The following BBS9 variants were observed in gnomAD, a reference collection of about 807,000 sequenced individuals.
BBS9 encodes the protein Bardet-Biedl syndrome 9.
BBS9 carries 89 observed loss-of-function variants against 117.7 expected under a neutral mutation model. That is an observed-to-expected ratio of 0.76 (90% CI 0.64 to 0.90). The LOEUF is 0.90. BBS9 is among the 40% of genes least tolerant of loss of function. BBS9 has a pLI of 0.00. For synonymous variants in BBS9, 379 were observed against 370.9 expected (o/e 1.02, Z -0.25); for missense variants, 982 against 1,042.2 (o/e 0.94, Z 0.80).
intron 20 of BBS9, among the ~76,000 whole-genome samples, chr7:33,526,111 G>A (rs1385914833): frequency 1.1e-4 from 16 of 151,536 alleles, no homozygotes. Context: ...TTTCTGCTGA[G>A]AGATCCGCTG....
downstream of BBS9, among the ~76,000 whole-genome samples, chr7:33,606,973 T>A (rs551500769): frequency 5.9e-5 from 9 of 152,250 alleles, no homozygotes; most frequent in African/African-American, 2.2e-4. Flanking sequence ...TCCCACTGTC[T>A]CCTCTTAAGG....
At chr7:33,349,548 C>T (rs570006385) in intron 13 of BBS9, among the ~76,000 whole-genome samples, 1 of 152,118 alleles carries the variant, frequency 6.6e-6, no homozygotes, top group East Asian at 1.9e-4. Flanking sequence ...GATCCTCCCA[C>T]CTCAGCCTCC....
At chr7:33,250,396 T>C (rs569865510) in intron 5 of BBS9, among the ~76,000 whole-genome samples, 19 of 152,344 alleles carry the variant, frequency 1.2e-4, no homozygotes, top group African/African-American at 4.6e-4. Context: ...GAGCATGTGG[T>C]AAAGACTCTT....
intron 19 of BBS9, among the ~76,000 whole-genome samples, chr7:33,429,270 T>C (rs935274304): frequency 6.6e-5 from 10 of 152,170 alleles, no homozygotes; most frequent in African/African-American, 2.2e-4. Flanking sequence ...TTTGCGTAGC[T>C]TTTGCCTTGA....
chr7:33,271,515 A>G (rs1192476824), intron 7 of BBS9, among the ~76,000 whole-genome samples: 2 of 152,236 alleles, frequency 1.3e-5, no homozygotes, highest in East Asian at 3.8e-4. Context: ...AAAGAGATGA[A>G]GAAAACTCTG....
At chr7:33,521,767 TTAA>T in intron 20 of BBS9, among the ~76,000 whole-genome samples, 1 of 152,122 alleles carries the variant, frequency 6.6e-6, no homozygotes, top group South Asian at 2.1e-4. Flanking sequence ...TTATTATACT[TTAA>T]GTTTTAGGGT....
At chr7:33,489,290 G>A (rs369196558) in intron 19 of BBS9, among the ~76,000 whole-genome samples, 15 of 149,888 alleles carry the variant, frequency 1.0e-4, no homozygotes, top group South Asian at 2.1e-4. Context: ...CACTGCACCC[G>A]GCCAGGACAG....
intron 9 of BBS9, among the ~76,000 whole-genome samples, chr7:33,293,477 A>C (rs1182509535): frequency 6.6e-6 from 1 of 152,140 alleles, no homozygotes; most frequent in Non-Finnish European, 1.5e-5. Flanking sequence ...GGAGGCCCTG[A>C]ACACATTCAT....
At chr7:33,165,807 T>C (rs1349545170) in intron 4 of BBS9, among the ~76,000 whole-genome samples, 2 of 152,176 alleles carry the variant, frequency 1.3e-5, no homozygotes, top group Non-Finnish European at 2.9e-5. Flanking sequence ...AGAAGTTTGT[T>C]ATTACCGACC....
chr7:33,262,222 TG>T (rs1364650010), intron 6 of BBS9, among the ~76,000 whole-genome samples: 1 of 152,204 alleles, frequency 6.6e-6, no homozygotes, highest in Non-Finnish European at 1.5e-5. Flanking sequence ...CTCTGCCTGC[TG>T]TTTTAATGTT....
chr7:33,317,958 A>G (rs555875983), intron 9 of BBS9, among the ~76,000 whole-genome samples: 1 of 152,314 alleles, frequency 6.6e-6, no homozygotes, highest in South Asian at 2.1e-4. Flanking sequence ...AGGCTTAGGC[A>G]TGAGAATTGC....
At chr7:33,424,408 CA>C (rs1176605277) in intron 19 of BBS9, among the ~76,000 whole-genome samples, 1 of 152,114 alleles carries the variant, frequency 6.6e-6, no homozygotes, top group Non-Finnish European at 1.5e-5. Context: ...TTAAAAAATA[CA>C]GATTCCTGAG....
intron 4 of BBS9, among the ~76,000 whole-genome samples, chr7:33,159,038 C>T (rs1368050807): frequency 2.0e-5 from 3 of 151,980 alleles, no homozygotes; most frequent in African/African-American, 4.8e-5. Context: ...CAACTGGCCT[C>T]CTTTGATTGG....
At chr7:33,471,848 A>G (rs1016426579) in intron 19 of BBS9, among the ~76,000 whole-genome samples, 2 of 152,220 alleles carry the variant, frequency 1.3e-5, no homozygotes, top group African/African-American at 4.8e-5. Context: ...AACTGCCACC[A>G]GGTCACTGAA....
In BBS9 at chr7:33,618,985, A is replaced by G. The variant is rs576172666; in HGVS notation, c.2522-16192A>G. Among the ~76,000 whole-genome samples, 3 of 152,298 alleles carry G rather than the reference A, an allele frequency of 2.0e-5. No individual in the cohort carries two copies. In the East Asian group the frequency reaches 5.8e-4, roughly 29 times the overall value. ...AAAGTACTACAAAACAATTAGAAAC[A>G]ACAAAATGGCAATAGAAGTCCTTCT... is the stretch of plus-strand genomic sequence containing the variant. On this transcript the variant is annotated intron_variant, in intron 21 of 21. Coordinates refer to the BBS9 transcript ENST00000671952.
At chr7:33,246,077 T>C (rs1419796643) in intron 5 of BBS9, among the ~76,000 whole-genome samples, 1 of 152,144 alleles carries the variant, frequency 6.6e-6, no homozygotes, top group Non-Finnish European at 1.5e-5. Context: ...TATGTATGAC[T>C]TTTACTAAAC....
chr7:33,270,232 G>C (rs535578749), intron 7 of BBS9, among the ~76,000 whole-genome samples: 1 of 152,088 alleles, frequency 6.6e-6, no homozygotes, highest in South Asian at 2.1e-4. Flanking sequence ...TACACCTCAC[G>C]AAAAGGAATA....
chr7:33,482,977 A>G (rs571303876), intron 19 of BBS9, among the ~76,000 whole-genome samples: 2 of 152,342 alleles, frequency 1.3e-5, no homozygotes, highest in South Asian at 2.1e-4. Context: ...AGTTATGTCT[A>G]TTTTAAGAGT....
intron 15 of BBS9, among the ~76,000 whole-genome samples, chr7:33,354,279 A>G (rs1296882164): frequency 2.6e-5 from 4 of 152,202 alleles, no homozygotes; most frequent in Admixed American, 6.5e-5. Flanking sequence ...ACAAGGCTTC[A>G]TATTTCAAAG....
Sources: gnomAD v4.1 joint callset for allele counts (sites outside exome capture counted in the v4.1 genomes callset) on GRCh38, gnomAD v4.1.1 for gene constraint, MANE v1.5 for transcripts, NCBI Gene and HGNC (gene_info 2026-07-23, HGNC 2026-07-21) for gene names.